RUNX1T1: variants seen among roughly 807,000 people sequenced by gnomAD.
The protein encoded by RUNX1T1 is RUNX1 partner transcriptional co-repressor 1.
A neutral mutation model predicts 62.8 loss-of-function variants in RUNX1T1; 4 were observed. The observed-to-expected ratio is 0.06, with a 90% CI of 0.03 to 0.15. The LOEUF (loss-of-function observed/expected upper bound fraction) is 0.15. Among genes scored for constraint, RUNX1T1 ranks in the 10% least tolerant of loss-of-function variants. RUNX1T1 has a pLI of 1.00. For missense variants in RUNX1T1, 508 were observed against 754.3 expected, an observed-to-expected ratio of 0.67 and a Z score of 3.82; for synonymous variants, 291 against 286.0, an observed-to-expected ratio of 1.02 and a Z score of -0.18.
At chr8:92,095,615 G>C in intron 1 of RUNX1T1, 1 of 1,378,390 alleles carries the variant, frequency 7.3e-7, no homozygotes, top group Non-Finnish European at 9.4e-7. Flanking sequence ...AGGAAAAGTG[G>C]GAGAGAGAGA....
intron 10 of RUNX1T1, 87 bp from the exon 12 acceptor site, chr8:91,960,604 G>C: frequency 7.2e-7 from 1 of 1,394,010 alleles, no homozygotes; most frequent in Non-Finnish European, 9.9e-7. Flanking sequence ...CATCACTGTA[G>C]CCTTATTTTC....
chr8:92,065,829 A>T (rs1292541698), upstream of RUNX1T1, among the ~76,000 whole-genome samples: 1 of 152,210 alleles, frequency 6.6e-6, no homozygotes, highest in African/African-American at 2.4e-5. Flanking sequence ...CTCGGCTTCT[A>T]GCAGGCTGTT....
chr8:92,094,635 A>T (rs1726594712), intron 1 of RUNX1T1, among the ~76,000 whole-genome samples: 2 of 152,188 alleles, frequency 1.3e-5, no homozygotes, highest in African/African-American at 4.8e-5. Flanking sequence ...CACAAAACCA[A>T]ACATTAATGA....
intron 8 of RUNX1T1, among the ~76,000 whole-genome samples, chr8:91,976,738 A>G (rs947640261): frequency 6.6e-6 from 1 of 152,240 alleles, no homozygotes; most frequent in Non-Finnish European, 1.5e-5. Context: ...TTAACACAAA[A>G]CATTTTATAG....
intron 1 of RUNX1T1, among the ~76,000 whole-genome samples, chr8:92,091,840 A>G (rs964304715): frequency 5.9e-5 from 9 of 152,210 alleles, no homozygotes; most frequent in Non-Finnish European, 1.0e-4. Flanking sequence ...CACATTCAAC[A>G]TTGTTCTTCA....
At chr8:92,044,522 A>C (rs1829042476) in intron 1 of RUNX1T1, among the ~76,000 whole-genome samples, 1 of 152,228 alleles carries the variant, frequency 6.6e-6, no homozygotes, top group Admixed American at 6.5e-5. Context: ...AGCACCATGA[A>C]GAGGTGGGCT....
intron 1 of RUNX1T1, among the ~76,000 whole-genome samples, chr8:92,020,182 T>A (rs1823809195): frequency 6.6e-6 from 1 of 152,184 alleles, no homozygotes. Flanking sequence ...CCAGGCCTAA[T>A]CCACATACAC....
At chr8:91,973,424 T>A (rs913882657) in intron 9 of RUNX1T1, among the ~76,000 whole-genome samples, 10 of 152,038 alleles carry the variant, frequency 6.6e-5, no homozygotes, top group African/African-American at 2.4e-4. Context: ...AAAAGCTATA[T>A]GATGTACTTT....
intron 6 of RUNX1T1, among the ~76,000 whole-genome samples, chr8:91,991,280 AT>A (rs1338918263): frequency 6.6e-6 from 1 of 152,190 alleles, no homozygotes; most frequent in Admixed American, 6.5e-5. Flanking sequence ...TTTTAAAAAT[AT>A]TTGTGGCAGG....
intron 1 of RUNX1T1, among the ~76,000 whole-genome samples, chr8:92,052,815 C>T (rs1830436638): frequency 6.6e-6 from 1 of 152,096 alleles, no homozygotes; most frequent in Non-Finnish European, 1.5e-5. Flanking sequence ...ATGTTGAGAA[C>T]GTGGCTACAC....
chr8:92,092,774 T>C (rs1339334030), intron 1 of RUNX1T1, among the ~76,000 whole-genome samples: 1 of 152,228 alleles, frequency 6.6e-6, no homozygotes, highest in African/African-American at 2.4e-5. Context: ...AATTGCATAC[T>C]ACCATTTATC....
intron 1 of RUNX1T1, among the ~76,000 whole-genome samples, chr8:92,020,414 A>G (rs1340853637): frequency 6.6e-6 from 1 of 152,164 alleles, no homozygotes; most frequent in Non-Finnish European, 1.5e-5. Flanking sequence ...TTAAGTTATA[A>G]TATTTCTTAT....
chr8:92,093,464 G>C (rs573621610), intron 1 of RUNX1T1, among the ~76,000 whole-genome samples: 1 of 152,168 alleles, frequency 6.6e-6, no homozygotes, highest in Non-Finnish European at 1.5e-5. Flanking sequence ...GCCTTTGCTT[G>C]AAATACACAT....
chr8:92,027,456 C>T (rs1324266153), intron 1 of RUNX1T1, among the ~76,000 whole-genome samples: 4 of 152,182 alleles, frequency 2.6e-5, no homozygotes, highest in Admixed American at 2.0e-4. Context: ...TGTCTGGAGC[C>T]TCATCCTAAA....
upstream of RUNX1T1, chr8:92,102,936 C>T: frequency 1.3e-6 from 2 of 1,503,552 alleles, no homozygotes; most frequent in East Asian, 2.7e-5. The surrounding 1 kb of genome is among the most constrained non-coding windows in gnomAD (Gnocchi z 4.5). Flanking sequence ...TCGGCCGGCC[C>T]GCGGGGCGAC....
chr8:92,000,379 A>C (rs1586917077), intron 5 of RUNX1T1, among the ~76,000 whole-genome samples: 1 of 152,206 alleles, frequency 6.6e-6, no homozygotes, highest in South Asian at 2.1e-4. Flanking sequence ...GATGTGATTA[A>C]TATTTTTAAA....
intron 1 of RUNX1T1, among the ~76,000 whole-genome samples, chr8:92,040,379 A>C (rs1828218045): frequency 6.6e-6 from 1 of 152,186 alleles, no homozygotes; most frequent in Non-Finnish European, 1.5e-5. Context: ...ACACGGACAC[A>C]CATGTTCCTT....
intron 5 of RUNX1T1, chr8:91,994,640 T>A (rs1181986564): frequency 6.0e-6 from 3 of 502,024 alleles, no homozygotes; most frequent in African/African-American, 5.8e-5. Context: ...AATGAAAGGG[T>A]TGGACTAGAT....
At chr8:92,014,498 A>G in intron 3 of RUNX1T1, 81 bp downstream of exon 4, 1 of 1,267,360 alleles carries the variant, frequency 7.9e-7, no homozygotes, top group Non-Finnish European at 1.1e-6. Context: ...AATACTTGCG[A>G]GAACGGTGTC....
Sources: allele counts gnomAD v4.1 joint callset (sites outside exome capture counted in the v4.1 genomes callset), GRCh38; gene constraint gnomAD v4.1.1; non-coding constraint Gnocchi (gnomAD v3.1); transcripts MANE v1.5; gene names NCBI Gene and HGNC (gene_info 2026-07-23, HGNC 2026-07-21).